The following TLE4 variants were observed in gnomAD, a reference collection of about 807,000 sequenced individuals.
TLE4 encodes TLE family member 4, transcriptional corepressor.
TLE4 carries 8 observed loss-of-function variants against 92.8 expected under a neutral mutation model. The observed-to-expected ratio is 0.09, with a 90% confidence interval of 0.05 to 0.16. TLE4 has a LOEUF of 0.16. Among genes scored for constraint, TLE4 ranks in the 10% least tolerant of loss-of-function variants. TLE4 has a pLI of 1.00. For synonymous variants in TLE4, 371 were observed against 374.1 expected, an observed-to-expected ratio of 0.99 and a Z score of 0.10; for missense variants, 675 against 997.6, an observed-to-expected ratio of 0.68 and a Z score of 4.36.
intron 1 of TLE4, chr9:79,573,474 C>A (rs999131113): frequency 1.0e-6 from 1 of 1,003,580 alleles, no homozygotes; most frequent in Non-Finnish European, 1.3e-6. Context: ...CGGGGGCCTG[C>A]GGGCGGGAGT....
intron 4 of TLE4, among the ~76,000 whole-genome samples, chr9:79,604,479 G>A (rs1303224634): frequency 1.3e-5 from 2 of 152,104 alleles, no homozygotes; most frequent in Non-Finnish European, 2.9e-5. Context: ...AGGATGTTTT[G>A]GTAATGACAG....
At chr9:79,652,365 T>G (rs922236676) in intron 6 of TLE4, among the ~76,000 whole-genome samples, 2 of 152,144 alleles carry the variant, frequency 1.3e-5, no homozygotes, top group Non-Finnish European at 2.9e-5. Context: ...GTTTTTGTAT[T>G]TTTAGTAGAG....
At chr9:79,711,331 T>TTGAC (rs10694339) in intron 14 of TLE4, among the ~76,000 whole-genome samples, 135,201 of 151,848 alleles carry the variant, frequency 0.89, 60,185 homozygotes, top group African/African-American at 0.91. Context: ...CAAATAGTTG[T>TTGAC]TGACTAACAA....
chr9:79,658,895 C>T (rs2060131706), intron 8 of TLE4, among the ~76,000 whole-genome samples: 1 of 152,126 alleles, frequency 6.6e-6, no homozygotes, highest in African/African-American at 2.4e-5. Context: ...CTTTTGGTAT[C>T]TTCTGTTTTC....
chr9:79,645,630 T>G (rs1031209972), intron 6 of TLE4, among the ~76,000 whole-genome samples: 2 of 152,208 alleles, frequency 1.3e-5, no homozygotes, highest in Non-Finnish European at 2.9e-5. Flanking sequence ...GGGAAATCTT[T>G]GTTACAGAGA....
In TLE4 at chr9:79,573,711, C is replaced by G; in HGVS notation, c.68C>G (p.Pro23Arg). Residue 23 changes from proline (P) to arginine (R), a missense_variant, in exon 2 of 20, where the codon CCC (proline) becomes CGC (arginine). By Grantham distance (103) the Pro-to-Arg change is moderately radical. This residue lies in a region of TLE4 where 38 missense variants were observed against 33.5 expected (regional missense o/e 1.14). Coordinates refer to ENST00000376552, the MANE Select transcript of TLE4 (RefSeq NM_007005.6). Reference protein sequence around the residue: ...RHPAPHQPAQPFKFTISESCD... With the variant: ...RHPAPHQPAQRFKFTISESCD... The stretch of plus-strand genomic sequence containing the variant: ...CAGGCACCGCATCAGCCTGCTCAAC[C>G]CTTTAAATTTACAATTTCCGAATCC... 6.2e-7 allele frequency: 1 copy of G among 1,606,578 alleles called. No homozygotes were observed. The highest frequency in any genetic ancestry group is 8.5e-7 in the Non-Finnish European group (1 of 1,174,548).
intron 14 of TLE4, among the ~76,000 whole-genome samples, chr9:79,713,844 G>A (rs955194976): frequency 1.8e-4 from 17 of 93,096 alleles, no homozygotes; most frequent in African/African-American, 5.8e-4. Context: ...TGGAATAATT[G>A]TTGTTGTTTG....
chr9:79,680,399 G>T (rs547580558), intron 8 of TLE4, among the ~76,000 whole-genome samples: 300 of 152,250 alleles, frequency 2.0e-3, no homozygotes, highest in African/African-American at 6.5e-3. Context: ...GAAGCAATGG[G>T]AGTTCACTCA....
intron 6 of TLE4, among the ~76,000 whole-genome samples, chr9:79,648,317 A>G (rs989323736): frequency 1.3e-5 from 2 of 152,176 alleles, no homozygotes; most frequent in Non-Finnish European, 2.9e-5. Context: ...CTTCTCTCCA[A>G]AGTCTCACAG....
chr9:79,704,021 A>C (rs1454597180), intron 8 of TLE4, among the ~76,000 whole-genome samples: 1 of 151,940 alleles, frequency 6.6e-6, no homozygotes, highest in Non-Finnish European at 1.5e-5. Context: ...GCTTCCCATT[A>C]GCCAGCAAAC....
chr9:79,587,515 C>T (rs867903676), intron 4 of TLE4, among the ~76,000 whole-genome samples: 3 of 152,152 alleles, frequency 2.0e-5, no homozygotes, highest in Admixed American at 6.5e-5. Flanking sequence ...TTCCATTGCT[C>T]GGTACTATAG....
At chr9:79,723,470 T>C (rs2075959426) in intron 19 of TLE4, among the ~76,000 whole-genome samples, 2 of 152,256 alleles carry the variant, frequency 1.3e-5, no homozygotes, top group African/African-American at 2.4e-5. Flanking sequence ...AAATCAGTTT[T>C]ATAAACTTTT....
intron 8 of TLE4, among the ~76,000 whole-genome samples, chr9:79,679,464 G>A (rs995264470): frequency 1.3e-5 from 2 of 151,718 alleles, no homozygotes; most frequent in African/African-American, 4.8e-5. Context: ...TGTTGATGGG[G>A]TTGTTTTTTT....
intron 4 of TLE4, among the ~76,000 whole-genome samples, chr9:79,578,010 A>G (rs985364525): frequency 2.6e-5 from 4 of 152,172 alleles, no homozygotes; most frequent in African/African-American, 9.7e-5. Flanking sequence ...AAATTCAATC[A>G]TATCAAGAAT....
In TLE4 at chr9:79,681,310, A is replaced by G. The variant is rs55717221; in HGVS notation, c.610-23473A>G. 3.6e-3 allele frequency among the ~76,000 whole-genome samples: 555 copies of G among 152,300 alleles called. 3 individuals are homozygous for G. The highest frequency in any genetic ancestry group is 0.012 in the African/African-American group (500 of 41,578). ...TCTGCTGTGGTTAAAGGAAGTCACTATCAGCCAACTCAGTAACGTTATTTT... is the reference window on the plus strand; with the variant it reads ...TCTGCTGTGGTTAAAGGAAGTCACTGTCAGCCAACTCAGTAACGTTATTTT... On this transcript the variant is annotated intron_variant, in intron 8 of 19. Coordinates refer to ENST00000376552, the MANE Select transcript of TLE4 (RefSeq NM_007005.6).
chr9:79,641,181 C>T (rs2057071097), intron 6 of TLE4, among the ~76,000 whole-genome samples: 1 of 146,720 alleles, frequency 6.8e-6, no homozygotes, highest in African/African-American at 2.5e-5. Context: ...TTAAAAGGGT[C>T]ACAGAAAGCC....
At chr9:79,583,519 T>A (rs1289462083) in intron 4 of TLE4, among the ~76,000 whole-genome samples, 1 of 152,158 alleles carries the variant, frequency 6.6e-6, no homozygotes, top group Non-Finnish European at 1.5e-5. Flanking sequence ...GTGGTGTGCT[T>A]GGGACCTCTG....
At chr9:79,645,671 G>T (rs2057994382) in intron 6 of TLE4, among the ~76,000 whole-genome samples, 1 of 152,150 alleles carries the variant, frequency 6.6e-6, no homozygotes. Flanking sequence ...CAGCATTGAG[G>T]CTGTGTCTGC....
intron 4 of TLE4, among the ~76,000 whole-genome samples, chr9:79,608,821 A>G (rs2047693060): frequency 6.6e-6 from 1 of 152,076 alleles, no homozygotes; most frequent in African/African-American, 2.4e-5. Context: ...TGATTACTAA[A>G]ATAAAGCTAT....
Sources: allele counts gnomAD v4.1 joint callset (sites outside exome capture counted in the v4.1 genomes callset), GRCh38; gene constraint gnomAD v4.1.1; regional missense constraint gnomAD v4.1.1; transcripts MANE v1.5; gene names NCBI Gene and HGNC (gene_info 2026-07-23, HGNC 2026-07-21).